SNX29: variants seen among roughly 807,000 people sequenced by gnomAD.
The protein encoded by SNX29 is sorting nexin-29.
In SNX29, 78 loss-of-function variants were observed where a neutral mutation model predicts 102.1. That is an observed-to-expected ratio of 0.76 (90% CI 0.64 to 0.92). The LOEUF (loss-of-function observed/expected upper bound fraction) is 0.92. Ranked by LOEUF, SNX29 falls within the 40% of genes least tolerant of loss-of-function variation. The pLI is 0.00. For synonymous variants in SNX29, 580 were observed against 414.5 expected (o/e 1.40, Z -4.85); for missense variants, 1,280 against 1,061.7 (o/e 1.21, Z -2.86).
At chr16:12,520,953 C>G (rs1018798880) in intron 19 of SNX29, among the ~76,000 whole-genome samples, 2 of 152,144 alleles carry the variant, frequency 1.3e-5, no homozygotes, top group Non-Finnish European at 2.9e-5. Flanking sequence ...AATCCCAGTA[C>G]TTTGGGACAC....
At position 12,514,499 on chromosome 16, in the gene SNX29, C is replaced by G. The variant is rs578253790; in HGVS notation, c.2179-10203C>G. On this transcript the variant is annotated intron_variant, in intron 19 of 20. Coordinates refer to ENST00000566228, the MANE Select transcript of SNX29 (RefSeq NM_032167.5). ...TTGGGGCCAATTCTTGTTTCTACCC[C>G]CCAACTAAGGAGTTGTGGACCTGGG... Among the ~76,000 whole-genome samples, 10 of 152,292 alleles carry G rather than the reference C, an allele frequency of 6.6e-5. No homozygotes were observed. The South Asian group carries it at 1.9e-3, about 28-fold the overall frequency.
At chr16:12,358,648 C>T (rs1056485560) in intron 16 of SNX29, among the ~76,000 whole-genome samples, 1 of 152,218 alleles carries the variant, frequency 6.6e-6, no homozygotes, top group African/African-American at 2.4e-5. Context: ...AGGGGTCCAG[C>T]CCCGCACCCT....
Position 12,048,151 on chromosome 16 carries a change from G to GT in SNX29, c.500-207dup, listed in dbSNP as rs565050765. ...TCTGCTGACCCCAGTTTCATGGGAGGTTTTTTTTTTTTTTGAGGCAGAGTC... is the reference window on the plus strand; with the variant it reads ...TCTGCTGACCCCAGTTTCATGGGAGGTTTTTTTTTTTTTTTGAGGCAGAGTC... On this transcript the variant is annotated intron_variant, in intron 6 of 20. Transcript: ENST00000566228. 4.8e-3 allele frequency among the ~76,000 whole-genome samples: 663 copies of GT among 139,264 alleles called. 1 individual carries two copies. Among genetic ancestry groups the GT allele is most frequent in the East Asian group, 0.023 (109 of 4,772 alleles). The allele number at this position is 139,264 out of a possible 152,430, so 91.4% of individuals were successfully genotyped here. A position where few individuals can be genotyped will look rare whatever the true frequency, so the allele number is the denominator to read the frequency against.
intron 14 of SNX29, among the ~76,000 whole-genome samples, chr16:12,200,800 T>A (rs1434163744): frequency 1.3e-5 from 2 of 152,086 alleles, no homozygotes. Context: ...GTCTTCAGAG[T>A]CAACCAAACC....
intron 20 of SNX29, among the ~76,000 whole-genome samples, chr16:12,564,124 C>G (rs72775226): frequency 6.6e-6 from 1 of 151,836 alleles, no homozygotes; most frequent in African/African-American, 2.4e-5. Context: ...TGTGGTGGAT[C>G]GTGCCTATAA....
chr16:12,186,782 G>C (rs2076521184), intron 13 of SNX29, among the ~76,000 whole-genome samples: 1 of 152,150 alleles, frequency 6.6e-6, no homozygotes, highest in South Asian at 2.1e-4. Flanking sequence ...GGGTTTGTCA[G>C]CTGTTTCCTC....
At chr16:12,095,319 A>G (rs927911163) in intron 11 of SNX29, 1 of 152,242 alleles carries the variant, frequency 6.6e-6, no homozygotes, top group Non-Finnish European at 1.5e-5. Context: ...AAAGCGGCTC[A>G]GGCTTTATTC....
Position 12,052,203 on chromosome 16 carries a change from C to G in SNX29, c.1105C>G (p.His369Asp), listed in dbSNP as rs201155615. The G allele has an allele frequency of 1.7e-5, 27 of 1,613,902 alleles. No individual in the cohort carries two copies. In the East Asian group the frequency reaches 6.0e-4, roughly 36 times the overall value. The change falls in exon 8 of 21, where the codon CAC becomes GAC. Residue 369 changes from histidine (H) to aspartate (D), a missense_variant. By Grantham distance (81) the His-to-Asp change is moderately conservative. Coordinates refer to ENST00000566228, the MANE Select transcript of SNX29 (RefSeq NM_032167.5). ...GNSSGRKHRG[H>D]SESPEKPLEG... ...CTCATCAGGAAGGAAGCACAGGGGC[C>G]ACTCGGAGTCGCCCGAGAAGTAAGT...
intron 15 of SNX29, among the ~76,000 whole-genome samples, chr16:12,300,537 T>C (rs1378298831): frequency 6.6e-6 from 1 of 152,196 alleles, no homozygotes; most frequent in Non-Finnish European, 1.5e-5. Flanking sequence ...TCTGTTAACC[T>C]CAGTCCCTTT....
Position 12,571,889 on chromosome 16 carries a change from C to CA in SNX29, c.*3263dup, listed in dbSNP as rs1474136306. 1.3e-5 allele frequency: 14 copies of CA among 1,061,746 alleles called. No homozygotes were observed. Among genetic ancestry groups the CA allele is most frequent in the Non-Finnish European group, 1.5e-5 (13 of 877,134 alleles). The allele number at this position is 1,061,746 out of a possible 1,614,324, so 65.8% of individuals were successfully genotyped here. On this transcript the variant is annotated 3_prime_UTR_variant, in exon 21 of 21. Coordinates refer to ENST00000566228, the MANE Select transcript of SNX29 (RefSeq NM_032167.5). The stretch of plus-strand genomic sequence containing the variant: ...CATTTTAGAGTTTGGAGCTGAGGTT[C>CA]AAAGCCCCCTGCATTTCTCTACTGG...
rs1056521716 is a variant in SNX29, at chr16:12,571,446, C to G, written c.*2817C>G. On this transcript the variant is annotated 3_prime_UTR_variant, in exon 21 of 21. Coordinates refer to ENST00000566228, the MANE Select transcript of SNX29 (RefSeq NM_032167.5). ...CTAAGATTACTCGGAGATTTTCAAA[C>G]AACATCTGAGAACAGAAGCCCCCTC... The G allele has an allele frequency of 4.2e-6, 1 of 238,706 alleles. No homozygotes were observed. The highest frequency in any genetic ancestry group is 2.2e-5 in the African/African-American group (1 of 45,136). 14.8% of individuals were successfully genotyped at this position (238,706 alleles called of 1,614,324 possible). A position where few individuals can be genotyped will look rare whatever the true frequency, so the allele number is the denominator to read the frequency against.
At chr16:11,992,899 C>T (rs1435199176) in intron 1 of SNX29, among the ~76,000 whole-genome samples, 2 of 152,134 alleles carry the variant, frequency 1.3e-5, no homozygotes, top group African/African-American at 2.4e-5. Flanking sequence ...TGGGGGCTCA[C>T]GCCTGCAATC....
chr16:12,564,317 T>G (rs776047981), intron 20 of SNX29, among the ~76,000 whole-genome samples: 1 of 152,244 alleles, frequency 6.6e-6, no homozygotes, highest in Non-Finnish European at 1.5e-5. Context: ...ACTTCACTAG[T>G]GTCTCTTACC....
intron 14 of SNX29, among the ~76,000 whole-genome samples, chr16:12,225,381 A>G (rs2077582950): frequency 6.6e-6 from 1 of 152,090 alleles, no homozygotes; most frequent in South Asian, 2.1e-4. Context: ...AGGTAATAGA[A>G]TCATGGGAGC....
At chr16:12,035,766 G>A (rs2057455783) in intron 4 of SNX29, among the ~76,000 whole-genome samples, 1 of 152,122 alleles carries the variant, frequency 6.6e-6, no homozygotes. Context: ...GCTGTGGTAT[G>A]TAGTCCTTTA....
At chr16:12,043,709 C>A (rs1181713250) in intron 5 of SNX29, among the ~76,000 whole-genome samples, 2 of 151,432 alleles carry the variant, frequency 1.3e-5, no homozygotes, top group Non-Finnish European at 2.9e-5. Context: ...CTGAAAAAAA[C>A]ATGGAAATTT....
intron 18 of SNX29, among the ~76,000 whole-genome samples, chr16:12,476,215 G>C (rs1597519079): frequency 6.7e-6 from 1 of 149,182 alleles, no homozygotes; most frequent in Non-Finnish European, 1.5e-5. Context: ...CCAGCTACTC[G>C]GGAGGCTGAG....
chr16:12,368,743 A>G (rs1265366341), intron 16 of SNX29, among the ~76,000 whole-genome samples: 1 of 152,180 alleles, frequency 6.6e-6, no homozygotes, highest in Non-Finnish European at 1.5e-5. Context: ...CTTCTCCAGC[A>G]TATGTTTGTG....
chr16:11,986,768 T>G (rs756334536), intron 1 of SNX29, among the ~76,000 whole-genome samples: 3 of 152,202 alleles, frequency 2.0e-5, no homozygotes, highest in Non-Finnish European at 4.4e-5. Context: ...TTCTACTTTG[T>G]GGGCCATCTG....
Sources: allele counts gnomAD v4.1 joint callset (sites outside exome capture counted in the v4.1 genomes callset), GRCh38; gene constraint gnomAD v4.1.1; transcripts MANE v1.5; gene names NCBI Gene and HGNC (gene_info 2026-07-23, HGNC 2026-07-21).